The following SEC31A variants were observed in gnomAD, a reference collection of about 807,000 sequenced individuals.
SEC31A encodes the protein protein transport protein Sec31A.
SEC31A carries 70 observed loss-of-function variants against 151.0 expected under a neutral mutation model. That is an observed-to-expected ratio of 0.46 (90% CI 0.38 to 0.57). SEC31A has a LOEUF of 0.57. Among genes scored for constraint, SEC31A ranks in the 20% least tolerant of loss-of-function variants. The pLI is 0.00. For missense variants in SEC31A, 1,330 were observed against 1,471.2 expected, an observed-to-expected ratio of 0.90 and a Z score of 1.57; for synonymous variants, 475 against 505.9, an observed-to-expected ratio of 0.94 and a Z score of 0.82.
At chr4:82,841,367 G>C (rs1434645380) in intron 22 of SEC31A, among the ~76,000 whole-genome samples, 14 of 148,012 alleles carry the variant, frequency 9.5e-5, no homozygotes, top group Non-Finnish European at 1.8e-4. Flanking sequence ...AGGTTGCAGT[G>C]AGCTGAGATC....
intron 1 of SEC31A, 173 bp downstream of exon 1, chr4:82,890,915 G>C (rs1243906520): frequency 2.8e-6 from 4 of 1,414,424 alleles, no homozygotes; most frequent in Non-Finnish European, 3.7e-6. Flanking sequence ...CCAGATGCCA[G>C]GCGTTGTTCC....
intron 18 of SEC31A, among the ~76,000 whole-genome samples, chr4:82,852,866 G>T (rs1046314684): frequency 6.6e-6 from 1 of 152,136 alleles, no homozygotes; most frequent in African/African-American, 2.4e-5. Flanking sequence ...CAGCAGGGGG[G>T]ATGGTTTCAG....
At chr4:82,828,599 T>C (rs1279372421) in intron 23 of SEC31A, among the ~76,000 whole-genome samples, 1 of 135,258 alleles carries the variant, frequency 7.4e-6, no homozygotes, top group Non-Finnish European at 1.5e-5. Flanking sequence ...ATTCATACTA[T>C]ACGTGACAGA....
intron 16 of SEC31A, 54 bp downstream of exon 16, chr4:82,856,898 G>A (rs112237533): frequency 2.1e-6 from 3 of 1,443,506 alleles, no homozygotes; most frequent in African/African-American, 1.4e-5. Context: ...ACAGTGTATT[G>A]TTTTTATAAT....
intron 1 of SEC31A, among the ~76,000 whole-genome samples, chr4:82,890,298 C>A (rs1742036172): frequency 6.6e-6 from 1 of 151,616 alleles, no homozygotes; most frequent in Non-Finnish European, 1.5e-5. Flanking sequence ...CAAGAACACA[C>A]CCTTATCGAT....
intron 2 of SEC31A, 108 bp from the exon 3 acceptor site, chr4:82,881,030 C>T: frequency 1.1e-6 from 1 of 892,482 alleles, no homozygotes; most frequent in Non-Finnish European, 1.7e-6. Context: ...CTCATGAATG[C>T]TGCACATATG....
Position 82,842,200 on chromosome 4 carries a change from G to A in SEC31A, c.2908C>T (p.Pro970Ser). 1 of 1,604,452 alleles carries A rather than the reference G, an allele frequency of 6.2e-7. No individual in the cohort carries two copies. The highest frequency in any genetic ancestry group is 1.7e-4 in the Middle Eastern group (1 of 6,012). Residue 970 changes from proline (P) to serine (S), a missense_variant, in exon 22 of 27, where the codon CCT (proline) becomes TCT (serine). Pro to Ser is a moderately conservative substitution (Grantham distance 74). Transcript: ENST00000395310. ...GGCAGTGTACCTGTTGTTCCAGGAG[G>A]CAGTGCATAAGCTGAAGATGATGGT... ...APPSSSAYAL[P>S]PGTTGTLPAA...
chr4:82,848,834 T>A lies in SEC31A; in HGVS notation c.2472A>T (p.Pro824=). ...PGPVAGHHQM[P]RVQTQQYYPH... Reference sequence around the variant, plus strand: ...GATAATATTGTTGAGTTTGAACTCTTGGCATCTGGTGGTGGCCAGCAACTG... The same window carrying A: ...GATAATATTGTTGAGTTTGAACTCTAGGCATCTGGTGGTGGCCAGCAACTG... Residue 824 remains proline (P), a synonymous_variant, in exon 20 of 27, where the codon CCA becomes CCT. Transcript: ENST00000395310. The A allele has an allele frequency of 6.2e-7, 1 of 1,613,798 alleles. No individual in the cohort carries two copies. The highest frequency in any genetic ancestry group is 2.2e-5 in the East Asian group (1 of 44,882).
chr4:82,884,165 T>G (rs1472265198), intron 1 of SEC31A, among the ~76,000 whole-genome samples: 1 of 151,824 alleles, frequency 6.6e-6, no homozygotes, highest in Non-Finnish European at 1.5e-5. Context: ...TTTTTTGTAT[T>G]TTTAGTAGAG....
chr4:82,880,843 T>G lies in SEC31A; in HGVS notation c.159A>C (p.Pro53=). 1.9e-6 allele frequency: 3 copies of G among 1,613,158 alleles called. No individual in the cohort carries two copies. Among genetic ancestry groups the G allele is most frequent in the Non-Finnish European group, 2.5e-6 (3 of 1,179,288 alleles). ...TGGCACAAGATTTCATATCCAAGGA[T>G]GGATCAGAGAGGTCTAATTCAAATA... ...LEIFELDLSD[P]SLDMKSCATF... Residue 53 remains proline (P), a synonymous_variant, in exon 3 of 27, where the codon CCA becomes CCC. Transcript: ENST00000395310.
At chr4:82,849,777 G>T (rs1371674886) in intron 19 of SEC31A, among the ~76,000 whole-genome samples, 1 of 152,056 alleles carries the variant, frequency 6.6e-6, no homozygotes, top group Non-Finnish European at 1.5e-5. Context: ...AGCTCATACA[G>T]ATCTACATGC....
At position 82,818,945 on chromosome 4, in the gene SEC31A, T is replaced by C. The variant is rs1722760729; in HGVS notation, c.*129A>G. 1.6e-6 allele frequency: 1 copy of C among 642,230 alleles called. No individual in the cohort carries two copies. The highest frequency in any genetic ancestry group is 1.8e-5 in the African/African-American group (1 of 54,424). The allele number at this position is 642,230 out of a possible 1,614,324, so 39.8% of individuals were successfully genotyped here. A position where few individuals can be genotyped will look rare whatever the true frequency, so the allele number is the denominator to read the frequency against. ...TCTAAGGTGAGTATATCAGCAGAAA[T>C]AGTGTAAATGCTCTTGACTGGTTGC... On this transcript the variant is annotated 3_prime_UTR_variant, in exon 27 of 27. Coordinates refer to ENST00000395310, the MANE Select transcript of SEC31A (RefSeq NM_001077207.4).
chr4:82,845,091 G>A, intron 20 of SEC31A: 2 of 682,006 alleles, frequency 2.9e-6, no homozygotes, highest in East Asian at 6.0e-5. Flanking sequence ...TGAGCAGGCA[G>A]ATGGATGGGG....
chr4:82,897,591 T>A (rs1720117958), intron 3 of SEC31A, among the ~76,000 whole-genome samples: 2 of 152,008 alleles, frequency 1.3e-5, no homozygotes. Flanking sequence ...AAAAAAAAAT[T>A]AGCCAGGTGT....
intron 11 of SEC31A, among the ~76,000 whole-genome samples, chr4:82,863,684 G>A (rs1247416606): frequency 6.6e-6 from 1 of 151,846 alleles, no homozygotes; most frequent in Non-Finnish European, 1.5e-5. Flanking sequence ...GCTTACTTTT[G>A]AACAGTAATT....
chr4:82,826,736 GACAGAA>G (rs1445120371), intron 24 of SEC31A, among the ~76,000 whole-genome samples: 1 of 152,218 alleles, frequency 6.6e-6, no homozygotes, highest in Non-Finnish European at 1.5e-5. Context: ...ATGAATCAAA[GACAGAA>G]ACAGACAGTA....
intron 3 of SEC31A, among the ~76,000 whole-genome samples, chr4:82,897,322 A>T (rs1720105917): frequency 2.0e-5 from 3 of 152,204 alleles, no homozygotes; most frequent in Admixed American, 2.0e-4. Context: ...ACAAATAATG[A>T]TATAACAATA....
At chr4:82,889,794 G>A (rs1578420928) in intron 1 of SEC31A, among the ~76,000 whole-genome samples, 1 of 152,052 alleles carries the variant, frequency 6.6e-6, no homozygotes, top group Middle Eastern at 3.4e-3. Flanking sequence ...ACAAATAACC[G>A]CGGACGTATT....
chr4:82,834,319 C>T (rs1466730470), intron 22 of SEC31A, among the ~76,000 whole-genome samples: 1 of 152,178 alleles, frequency 6.6e-6, no homozygotes, highest in Non-Finnish European at 1.5e-5. Context: ...AACAACATGT[C>T]CTCTTCCCCT....
Sources: allele counts gnomAD v4.1 joint callset (sites outside exome capture counted in the v4.1 genomes callset), GRCh38; gene constraint gnomAD v4.1.1; transcripts MANE v1.5; gene names NCBI Gene and HGNC (gene_info 2026-07-23, HGNC 2026-07-21).